The following PWP1 variants were observed in gnomAD, a reference collection of about 807,000 sequenced individuals.
The protein encoded by PWP1 is PWP1 homolog, endonuclein.
PWP1 carries 47 observed loss-of-function variants against 69.9 expected under a neutral mutation model. The observed-to-expected ratio is 0.67, with a 90% CI of 0.53 to 0.86. The LOEUF (loss-of-function observed/expected upper bound fraction) is 0.86, where lower values mean the gene tolerates loss of function less well. PWP1 is among the 40% of genes least tolerant of loss of function. The pLI, the probability that PWP1 is intolerant of heterozygous loss-of-function variation, is 0.00. For missense variants in PWP1, 551 were observed against 608.8 expected (o/e 0.91, Z 1.00); for synonymous variants, 222 against 208.2 (o/e 1.07, Z -0.57).
At position 107,710,404 on chromosome 12, in the gene PWP1, G is replaced by C. The variant is rs1451897045; in HGVS notation, c.1291-1G>C. ...TCACCATCTTCCTGTTCTCTCTCTA[G>C]GGAGTTCTCTTCTGTTCTTCATGTT... On this transcript the variant is annotated splice_acceptor_variant, in intron 13 of 14. Coordinates refer to ENST00000412830, the MANE Select transcript of PWP1 (RefSeq NM_007062.3). LOFTEE classifies it high-confidence loss of function. The C allele has an allele frequency of 8.1e-6, 13 of 1,613,276 alleles. No homozygotes were observed. Among genetic ancestry groups the C allele is most frequent in the African/African-American group, 1.3e-5 (1 of 74,962 alleles).
chr12:107,710,896 C>G (rs1349035777), intron 14 of PWP1, among the ~76,000 whole-genome samples: 2 of 152,184 alleles, frequency 1.3e-5, no homozygotes, highest in African/African-American at 4.8e-5. Context: ...TGTCTTCACA[C>G]TTTTAAGTGT....
intron 3 of PWP1, among the ~76,000 whole-genome samples, chr12:107,692,411 C>T (rs1593142124): frequency 6.6e-6 from 1 of 152,182 alleles, no homozygotes; most frequent in South Asian, 2.1e-4. Context: ...TTTGACCAGG[C>T]AACCCTTATT....
intron 3 of PWP1, among the ~76,000 whole-genome samples, chr12:107,689,343 G>T (rs1048903670): frequency 1.3e-5 from 2 of 152,100 alleles, no homozygotes; most frequent in Non-Finnish European, 2.9e-5. Context: ...TGTATATAAG[G>T]TTTGGTACTA....
At chr12:107,697,679 C>G in intron 7 of PWP1, 82 bp downstream of exon 7, 1 of 1,355,178 alleles carries the variant, frequency 7.4e-7, no homozygotes, top group Non-Finnish European at 1.0e-6. Flanking sequence ...AGACCGTACA[C>G]TTTTTCAATC....
chr12:107,692,761 G>A, intron 3 of PWP1, 53 bp from the exon 4 acceptor site: 1 of 1,436,198 alleles, frequency 7.0e-7, no homozygotes, highest in Non-Finnish European at 9.7e-7. Context: ...TAGGAAATAT[G>A]TTTTTGTCAA....
Position 107,712,218 on chromosome 12 carries a change from TA to T in PWP1, c.1506del (p.Ter502TyrfsTer11). On this transcript the variant is annotated frameshift_variant and stop_lost, in exon 15 of 15. Coordinates refer to ENST00000412830, the MANE Select transcript of PWP1 (RefSeq NM_007062.3). LOFTEE classifies it high-confidence loss of function. ...GAGCTCAGATACACCCATGGAGTCT[TA>T]ATGAAGATCATCTAATTTCCTGCTT... Reference protein sequence around the residue: ...SRSSDTPMES* With the variant: ...SRSSDTPMESX 6.2e-7 allele frequency: 1 copy of T among 1,608,572 alleles called. No homozygotes were observed. The highest frequency in any genetic ancestry group is 8.5e-7 in the Non-Finnish European group (1 of 1,175,738).
At chr12:107,687,340 T>C (rs993833365) in intron 1 of PWP1, among the ~76,000 whole-genome samples, 6 of 152,256 alleles carry the variant, frequency 3.9e-5, no homozygotes, top group African/African-American at 1.4e-4. Context: ...AAAAGAGACA[T>C]ATAGCCTTTC....
At chr12:107,686,944 CG>C (rs1420544241) in intron 1 of PWP1, among the ~76,000 whole-genome samples, 6 of 129,544 alleles carry the variant, frequency 4.6e-5, no homozygotes, top group Non-Finnish European at 9.4e-5. Context: ...CCAGCCTGGG[CG>C]GGCAACAGAG....
intron 10 of PWP1, 147 bp from the exon 11 acceptor site, chr12:107,704,489 C>A: frequency 1.7e-6 from 1 of 579,444 alleles, no homozygotes; most frequent in South Asian, 2.6e-5. Context: ...AAACTCAGCT[C>A]ATTTTTTTTC....
chr12:107,708,421 T>G (rs1264691361), intron 11 of PWP1, among the ~76,000 whole-genome samples: 3 of 152,080 alleles, frequency 2.0e-5, no homozygotes. Flanking sequence ...TCTTAATTCC[T>G]TCATTTCTTC....
chr12:107,707,753 C>G (rs1889852671), intron 11 of PWP1, among the ~76,000 whole-genome samples: 1 of 152,120 alleles, frequency 6.6e-6, no homozygotes, highest in East Asian at 1.9e-4. Context: ...ATGAAGCCCA[C>G]TTGATCATGG....
At position 107,688,429 on chromosome 12, in the gene PWP1, A is replaced by C. The variant is rs932885015; in HGVS notation, c.73-19A>C. 1.9e-6 allele frequency: 3 copies of C among 1,594,214 alleles called. No individual in the cohort carries two copies. Among genetic ancestry groups the C allele is most frequent in the Non-Finnish European group, 2.6e-6 (3 of 1,173,554 alleles). On this transcript the variant is annotated intron_variant, in intron 1 of 14. Transcript: ENST00000412830. ...GATTTCCTTACACATATTGTAATGA[A>C]ATCTTTGCTCTCTTACAGGTAGAGC...
At chr12:107,707,299 G>T (rs1295552974) in intron 11 of PWP1, among the ~76,000 whole-genome samples, 1 of 152,132 alleles carries the variant, frequency 6.6e-6, no homozygotes, top group Non-Finnish European at 1.5e-5. Context: ...ATTTTGGGCT[G>T]AGACAATGGG....
chr12:107,688,427 G>T (rs1157296290), intron 1 of PWP1, 21 bp from the exon 2 acceptor site: 1 of 1,593,100 alleles, frequency 6.3e-7, no homozygotes, highest in East Asian at 2.2e-5. Flanking sequence ...ATATTGTAAT[G>T]AAATCTTTGC....
chr12:107,697,246 C>T (rs928769619), intron 6 of PWP1, among the ~76,000 whole-genome samples: 3 of 152,144 alleles, frequency 2.0e-5, no homozygotes, highest in Non-Finnish European at 2.9e-5. Context: ...AGACCAGCAG[C>T]AGCACAGCAT....
chr12:107,712,657 A>C lies in PWP1; in HGVS notation c.*437A>C, dbSNP rs944864362. ...CAAGTGCCCCAGAGACTCCACTTTC[A>C]TTCCTAACTGTTCTCAAATTAATGC... On this transcript the variant is annotated 3_prime_UTR_variant, in exon 15 of 15. Coordinates refer to ENST00000412830, the MANE Select transcript of PWP1 (RefSeq NM_007062.3). The C allele has an allele frequency of 6.5e-6, 1 of 153,952 alleles. No individual in the cohort carries two copies. Among genetic ancestry groups the C allele is most frequent in the Non-Finnish European group, 1.4e-5 (1 of 69,224 alleles). The allele number at this position is 153,952 out of a possible 1,614,324, so 9.5% of individuals were successfully genotyped here. A position where few individuals can be genotyped will look rare whatever the true frequency, so the allele number is the denominator to read the frequency against.
chr12:107,706,844 C>G (rs150146447), intron 11 of PWP1, among the ~76,000 whole-genome samples: 1,704 of 152,098 alleles, frequency 0.011, 36 homozygotes, highest in African/African-American at 0.037. Flanking sequence ...GATGCCTCCA[C>G]CTTTGTTCTT....
At chr12:107,688,030 C>CAAATAAAA (rs1889404034) in intron 1 of PWP1, among the ~76,000 whole-genome samples, 1 of 37,596 alleles carries the variant, frequency 2.7e-5, no homozygotes, top group Non-Finnish European at 4.4e-5. Flanking sequence ...GACTCCGTCT[C>CAAATAAAA]AAAAAAAAAA....
In PWP1 at chr12:107,710,411, C is replaced by G. The variant is rs780342052; in HGVS notation, c.1297C>G (p.Leu433Val). 6.2e-6 allele frequency: 10 copies of G among 1,613,412 alleles called. No individual in the cohort carries two copies. Among genetic ancestry groups the G allele is most frequent in the Non-Finnish European group, 7.6e-6 (9 of 1,179,660 alleles). The stretch of plus-strand genomic sequence containing the variant: ...CTTCCTGTTCTCTCTCTAGGGAGTT[C>G]TCTTCTGTTCTTCATGTTGCCCTGA... ...VHSRDMKMGV[L>V]FCSSCCPDLP... Residue 433 changes from leucine to valine, a missense_variant, in exon 14 of 15, where the codon CTC becomes GTC. Coordinates refer to ENST00000412830, the MANE Select transcript of PWP1 (RefSeq NM_007062.3).
Sources: allele counts gnomAD v4.1 joint callset (sites outside exome capture counted in the v4.1 genomes callset), GRCh38; gene constraint gnomAD v4.1.1; transcripts MANE v1.5; gene names NCBI Gene and HGNC (gene_info 2026-07-23, HGNC 2026-07-21).